The following CASR variants were observed in gnomAD, a reference collection of about 807,000 sequenced individuals.
CASR encodes the protein calcium sensing receptor.
CASR carries 23 observed loss-of-function variants against 69.1 expected under a neutral mutation model. That is an observed-to-expected ratio of 0.33 (90% confidence interval 0.24 to 0.47). The LOEUF (loss-of-function observed/expected upper bound fraction) is 0.47. Among genes scored for constraint, CASR ranks in the 20% least tolerant of loss-of-function variants. CASR has a pLI of 1.00. For synonymous variants in CASR, 541 were observed against 544.7 expected (o/e 0.99, Z 0.10); for missense variants, 924 against 1,356.1 (o/e 0.68, Z 5.00).
chr3:122,275,913 C>A lies in CASR; in HGVS notation c.1479C>A (p.Asn493Lys), dbSNP rs201076546. The A allele has an allele frequency of 1.2e-6, 2 of 1,613,896 alleles. No homozygotes were observed. The highest frequency in any genetic ancestry group is 2.2e-5 in the South Asian group (2 of 91,078). Residue 493 changes from asparagine to lysine, a missense_variant, in exon 5 of 7, where the codon AAC becomes AAA. Asn to Lys is a moderately conservative substitution (Grantham distance 94). Around this residue, in one of 8 missense-constraint regions of CASR, gnomAD observed 310 missense variants for 395.7 expected, o/e 0.78. Coordinates refer to ENST00000639785, the MANE Select transcript of CASR (RefSeq NM_000388.4). Reference protein sequence around the residue: ...GDLVGNYSIINWHLSPEDGSI... With the variant: ...GDLVGNYSIIKWHLSPEDGSI... ...TGGTGGGGAACTATTCCATCATCAACTGGCACCTCTCCCCAGAGGATGGCT... is the reference window on the plus strand; with the variant it reads ...TGGTGGGGAACTATTCCATCATCAAATGGCACCTCTCCCCAGAGGATGGCT...
At position 122,285,015 on chromosome 3, in the gene CASR, A is replaced by G; in HGVS notation, c.3061A>G (p.Thr1021Ala). 6.2e-7 allele frequency: 1 copy of G among 1,614,236 alleles called. No individual in the cohort carries two copies. The highest frequency in any genetic ancestry group is 1.6e-4 in the Middle Eastern group (1 of 6,062). ...EPLLPLQCGE[T>A]DLDLTVQETG... ...ATTACTCCCGCTGCAGTGCGGGGAA[A>G]CGGACTTAGATCTGACCGTCCAGGA... Residue 1021 changes from threonine (T) to alanine (A), a missense_variant, in exon 7 of 7, where the codon ACG (threonine) becomes GCG (alanine). Thr to Ala is a moderately conservative substitution (Grantham distance 58, BLOSUM62 0). This residue lies in a region of CASR where 201 missense variants were observed against 228.8 expected (regional missense o/e 0.88). Coordinates refer to ENST00000639785, the MANE Select transcript of CASR (RefSeq NM_000388.4).
At chr3:122,245,573 A>ATGT (rs1553764994) in intron 1 of CASR, 2 of 152,200 alleles carry the variant, frequency 1.3e-5, no homozygotes, top group Non-Finnish European at 2.9e-5. Context: ...AACATGGCAC[A>ATGT]TGTATACATG....
chr3:122,196,526 T>C (rs1370104740), intron 1 of CASR, among the ~76,000 whole-genome samples: 1 of 151,990 alleles, frequency 6.6e-6, no homozygotes, highest in African/African-American at 2.4e-5. Context: ...GTTTTTTGTT[T>C]GTTTGTTTGT....
chr3:122,198,100 A>C (rs570503670), intron 1 of CASR, among the ~76,000 whole-genome samples: 2 of 152,362 alleles, frequency 1.3e-5, no homozygotes, highest in South Asian at 4.1e-4. Flanking sequence ...GAGATAAAAT[A>C]CTGAAACAAC....
chr3:122,278,664 A>G (rs923548572), intron 5 of CASR, among the ~76,000 whole-genome samples: 2 of 152,198 alleles, frequency 1.3e-5, no homozygotes, highest in African/African-American at 4.8e-5. Context: ...TCTTTAGCTC[A>G]TGGTTGCTGA....
intron 4 of CASR, among the ~76,000 whole-genome samples, chr3:122,274,407 A>G (rs2074792353): frequency 6.6e-6 from 1 of 152,244 alleles, no homozygotes; most frequent in Non-Finnish European, 1.5e-5. Context: ...AATAAAGTTA[A>G]TACAGATATC....
At chr3:122,237,743 G>A (rs2074342124) in intron 1 of CASR, among the ~76,000 whole-genome samples, 1 of 152,120 alleles carries the variant, frequency 6.6e-6, no homozygotes, top group South Asian at 2.1e-4. Context: ...TCATATAAAA[G>A]GAAGACAAGC....
rs2074980051 is a variant in CASR, at chr3:122,287,488, A to G, written c.*2297A>G. 2 of 152,220 alleles carry G rather than the reference A, an allele frequency of 1.3e-5. No individual in the cohort carries two copies. Among genetic ancestry groups the G allele is most frequent in the Admixed American group, 6.5e-5 (1 of 15,288 alleles). The allele number at this position is 152,220 out of a possible 1,614,324, so 9.4% of individuals were successfully genotyped here. On this transcript the variant is annotated 3_prime_UTR_variant, in exon 7 of 7. Coordinates refer to ENST00000639785, the MANE Select transcript of CASR (RefSeq NM_000388.4). ...CCTCCAGCCTAGTGACAGAAACTTC[A>G]TCTTAGTCGAATCGGGGTTTTCACA...
chr3:122,232,554 G>T (rs1035267854), intron 1 of CASR, among the ~76,000 whole-genome samples: 2 of 152,202 alleles, frequency 1.3e-5, no homozygotes, highest in African/African-American at 4.8e-5. Flanking sequence ...GGGAGGGCAG[G>T]CTAGGTGCCA....
rs570530647 is a variant in CASR, at chr3:122,203,267, C to G, written c.-243+19455C>G. Among the ~76,000 whole-genome samples, 3 of 152,336 alleles carry G rather than the reference C, an allele frequency of 2.0e-5. No individual in the cohort carries two copies. In the South Asian group the frequency reaches 6.2e-4, roughly 32 times the overall value. On this transcript the variant is annotated intron_variant, in intron 1 of 6. Coordinates refer to ENST00000639785, the MANE Select transcript of CASR (RefSeq NM_000388.4). Reference sequence around the variant, plus strand: ...TTCCAACAATATTGAGCCTTCCTATCTGTATGAACACAGGAGAGACAGTCA... The same window carrying G: ...TTCCAACAATATTGAGCCTTCCTATGTGTATGAACACAGGAGAGACAGTCA...
At chr3:122,270,550 A>T (rs1286345984) in intron 4 of CASR, among the ~76,000 whole-genome samples, 1 of 151,982 alleles carries the variant, frequency 6.6e-6, no homozygotes, top group Non-Finnish European at 1.5e-5. Context: ...ATTTCAGTTT[A>T]ATTTGCTCTT....
chr3:122,217,119 T>TC (rs891075956), intron 1 of CASR, among the ~76,000 whole-genome samples: 3 of 151,878 alleles, frequency 2.0e-5, no homozygotes. Flanking sequence ...TTTTTTTTTT[T>TC]TTTTGAGACA....
intron 1 of CASR, among the ~76,000 whole-genome samples, chr3:122,245,089 T>C (rs1262325225): frequency 6.6e-6 from 1 of 152,162 alleles, no homozygotes; most frequent in African/African-American, 2.4e-5. Flanking sequence ...TCAAGTCTCT[T>C]ATATAAAATG....
chr3:122,212,643 ATTT>A (rs35139115), intron 1 of CASR, among the ~76,000 whole-genome samples: 1 of 144,880 alleles, frequency 6.9e-6, no homozygotes. Context: ...ATTTTCTACA[ATTT>A]TTTTTTTTTT....
At chr3:122,211,833 A>C (rs1481235645) in intron 1 of CASR, among the ~76,000 whole-genome samples, 1 of 152,250 alleles carries the variant, frequency 6.6e-6, no homozygotes, top group East Asian at 1.9e-4. Flanking sequence ...TGATCATTAG[A>C]GAAACACGAA....
chr3:122,260,922 G>A (rs2074613515), intron 3 of CASR, among the ~76,000 whole-genome samples: 1 of 152,140 alleles, frequency 6.6e-6, no homozygotes, highest in Non-Finnish European at 1.5e-5. Context: ...GGAGGAGAGG[G>A]AGGAGGAGGA....
chr3:122,206,825 T>G (rs1449038240), intron 1 of CASR, among the ~76,000 whole-genome samples: 1 of 152,062 alleles, frequency 6.6e-6, no homozygotes, highest in African/African-American at 2.4e-5. Context: ...GTCCAGGAAT[T>G]TATCCATTTC....
At chr3:122,241,928 T>C (rs942876219) in intron 1 of CASR, among the ~76,000 whole-genome samples, 6 of 151,810 alleles carry the variant, frequency 4.0e-5, no homozygotes, top group Non-Finnish European at 8.8e-5. Context: ...AGGACAAAAA[T>C]CATATAATCG....
chr3:122,197,159 C>T (rs1177821802), intron 1 of CASR, among the ~76,000 whole-genome samples: 1 of 152,118 alleles, frequency 6.6e-6, no homozygotes, highest in African/African-American at 2.4e-5. Context: ...ATGCTAACTC[C>T]TTGGTCATTT....
Sources: allele counts gnomAD v4.1 joint callset (sites outside exome capture counted in the v4.1 genomes callset), GRCh38; gene constraint gnomAD v4.1.1; regional missense constraint gnomAD v4.1.1; transcripts MANE v1.5; gene names NCBI Gene and HGNC (gene_info 2026-07-23, HGNC 2026-07-21).